The following CDK12 variants were observed in gnomAD, a reference collection of about 807,000 sequenced individuals.
The protein encoded by CDK12 is cyclin-dependent kinase 12.
Under a neutral mutation model 133.8 loss-of-function variants are expected in CDK12, and 17 were observed. The observed-to-expected ratio is 0.13, with a 90% CI of 0.09 to 0.19. The LOEUF (loss-of-function observed/expected upper bound fraction) is 0.19, where lower values mean the gene tolerates loss of function less well. Ranked by LOEUF, CDK12 falls within the 10% of genes least tolerant of loss-of-function variation. The pLI is 1.00. For missense variants in CDK12, 1,508 were observed against 1,818.7 expected, an observed-to-expected ratio of 0.83 and a Z score of 3.11; for synonymous variants, 694 against 683.6, an observed-to-expected ratio of 1.02 and a Z score of -0.24.
intron 1 of CDK12, among the ~76,000 whole-genome samples, chr17:39,464,169 G>T (rs2049134200): frequency 6.6e-6 from 1 of 151,882 alleles, no homozygotes; most frequent in East Asian, 1.9e-4. Context: ...TATGAGTGAG[G>T]ATGTTGAACA....
chr17:39,535,411 G>A (rs2055088042), downstream of CDK12, among the ~76,000 whole-genome samples: 1 of 152,188 alleles, frequency 6.6e-6, no homozygotes. Context: ...AAAAGTTTAA[G>A]TGGTGTTCCC....
At chr17:39,487,135 C>T (rs2051197673) in intron 2 of CDK12, among the ~76,000 whole-genome samples, 1 of 152,196 alleles carries the variant, frequency 6.6e-6, no homozygotes, top group Non-Finnish European at 1.5e-5. Flanking sequence ...AGTATTTCAA[C>T]AGAAAGTTTC....
At chr17:39,559,681 C>T (rs138649656) in intron 3 of CDK12, among the ~76,000 whole-genome samples, 3 of 151,990 alleles carry the variant, frequency 2.0e-5, no homozygotes, top group East Asian at 3.9e-4. Context: ...CCTTGAAAGC[C>T]TGGGCTTATT....
intron 2 of CDK12, among the ~76,000 whole-genome samples, chr17:39,552,766 G>A (rs2056004964): frequency 6.6e-6 from 1 of 152,068 alleles, no homozygotes; most frequent in Non-Finnish European, 1.5e-5. Flanking sequence ...TCACTCTATC[G>A]CCCAGGCTGG....
At chr17:39,506,372 G>A (rs1054835781) in intron 6 of CDK12, among the ~76,000 whole-genome samples, 5 of 151,834 alleles carry the variant, frequency 3.3e-5, no homozygotes, top group East Asian at 1.9e-4. Flanking sequence ...ATGCCACCAC[G>A]CCTGGCTAAT....
chr17:39,527,619 C>T (rs1355284041), intron 13 of CDK12, among the ~76,000 whole-genome samples: 1 of 152,042 alleles, frequency 6.6e-6, no homozygotes, highest in Non-Finnish European at 1.5e-5. Flanking sequence ...ATGATCTTGG[C>T]TCACTGCAAC....
intron 3 of CDK12, among the ~76,000 whole-genome samples, chr17:39,562,814 C>G (rs1447964345): frequency 6.6e-6 from 1 of 151,630 alleles, no homozygotes; most frequent in African/African-American, 2.4e-5. Flanking sequence ...TGCTTTTCCA[C>G]TCTCAACTTC....
At chr17:39,463,498 A>G (rs879303120) in intron 1 of CDK12, among the ~76,000 whole-genome samples, 1 of 152,120 alleles carries the variant, frequency 6.6e-6, no homozygotes, top group African/African-American at 2.4e-5. Context: ...TTTAGACTCT[A>G]TGGGACCTGG....
chr17:39,494,452 G>T, intron 4 of CDK12, 72 bp from the exon 5 acceptor site: 1 of 1,244,170 alleles, frequency 8.0e-7, no homozygotes. Flanking sequence ...CAGAGCAAGG[G>T]CATATATTGC....
At chr17:39,487,607 ATTTTTTTTT>A (rs887590343) in intron 2 of CDK12, among the ~76,000 whole-genome samples, 12 of 96,366 alleles carry the variant, frequency 1.2e-4, no homozygotes, top group East Asian at 7.5e-4. Context: ...GCATGACACA[ATTTTTTTTT>A]TTTTTTTTTT....
chr17:39,507,506 A>G (rs1162417890), intron 6 of CDK12, among the ~76,000 whole-genome samples: 7 of 152,064 alleles, frequency 4.6e-5, no homozygotes, highest in African/African-American at 1.7e-4. Context: ...GTGAGCCGAG[A>G]TAGCGCCATC....
upstream of CDK12, among the ~76,000 whole-genome samples, chr17:39,547,323 A>G (rs1298231105): frequency 6.6e-6 from 1 of 151,758 alleles, no homozygotes; most frequent in Non-Finnish European, 1.5e-5. Context: ...TTTATTAGAG[A>G]TGGGGTTTCT....
At chr17:39,508,104 TACTG>T (rs1168717725) in intron 6 of CDK12, among the ~76,000 whole-genome samples, 1 of 152,180 alleles carries the variant, frequency 6.6e-6, no homozygotes, top group Non-Finnish European at 1.5e-5. Flanking sequence ...ACATTATACT[TACTG>T]GTTCTGAACA....
intron 2 of CDK12, among the ~76,000 whole-genome samples, chr17:39,486,806 A>C (rs2051167818): frequency 6.6e-6 from 1 of 152,056 alleles, no homozygotes; most frequent in South Asian, 2.1e-4. Context: ...CAGGAGTTCG[A>C]GTCCAGCCTG....
At chr17:39,498,864 T>C (rs1412912053) in intron 5 of CDK12, among the ~76,000 whole-genome samples, 1 of 149,762 alleles carries the variant, frequency 6.7e-6, no homozygotes, top group Non-Finnish European at 1.5e-5. Flanking sequence ...TTTTTAATAC[T>C]ATGATTTTCT....
At chr17:39,554,307 A>T (rs775286482) in intron 2 of CDK12, among the ~76,000 whole-genome samples, 1 of 152,216 alleles carries the variant, frequency 6.6e-6, no homozygotes, top group Non-Finnish European at 1.5e-5. Context: ...CACCTGGGAC[A>T]AGAGAGAAGC....
chr17:39,519,817 A>C lies in CDK12; in HGVS notation c.2964-139A>C, dbSNP rs1284926646. ...TCAGTATGTTGCCCAGGTTGATCTC[A>C]AACTTCTGGCCTCACGCAGTCCTAC... On this transcript the variant is annotated intron_variant, in intron 10 of 13. Transcript: ENST00000447079. 4.0e-6 allele frequency: 3 copies of C among 755,460 alleles called. 1 individual carries two copies. The highest frequency in any genetic ancestry group is 6.5e-6 in the Non-Finnish European group (3 of 461,490). 46.8% of individuals were successfully genotyped at this position (755,460 alleles called of 1,614,324 possible).
chr17:39,481,869 C>T (rs934398022), intron 2 of CDK12, among the ~76,000 whole-genome samples: 5 of 151,304 alleles, frequency 3.3e-5, no homozygotes, highest in African/African-American at 1.2e-4. Context: ...TACAGGCAAG[C>T]GCCACCATGC....
At chr17:39,476,489 C>T (rs563591302) in intron 2 of CDK12, among the ~76,000 whole-genome samples, 3 of 151,240 alleles carry the variant, frequency 2.0e-5, no homozygotes, top group East Asian at 3.9e-4. Context: ...GATGTGATCT[C>T]GGCTGCATCC....
Sources: allele counts gnomAD v4.1 joint callset (sites outside exome capture counted in the v4.1 genomes callset), GRCh38; gene constraint gnomAD v4.1.1; transcripts MANE v1.5; gene names NCBI Gene and HGNC (gene_info 2026-07-23, HGNC 2026-07-21).